MAD1L1: variants seen among roughly 807,000 people sequenced by gnomAD.
The protein encoded by MAD1L1 is mitotic arrest deficient 1 like 1.
MAD1L1 carries 95 observed loss-of-function variants against 96.9 expected under a neutral mutation model. That is an observed-to-expected ratio of 0.98 (90% confidence interval 0.83 to 1.16). The LOEUF (loss-of-function observed/expected upper bound fraction) is 1.16, where lower values mean the gene tolerates loss of function less well. Among genes scored for constraint, MAD1L1 ranks in the 50% most tolerant of loss-of-function variants. The pLI is 0.00. For synonymous variants in MAD1L1, 473 were observed against 396.6 expected, an observed-to-expected ratio of 1.19 and a Z score of -2.29; for missense variants, 1,007 against 954.4, an observed-to-expected ratio of 1.06 and a Z score of -0.73.
intron 18 of MAD1L1, among the ~76,000 whole-genome samples, chr7:1,867,591 C>T (rs1032913557): frequency 2.0e-5 from 3 of 152,244 alleles, no homozygotes; most frequent in Non-Finnish European, 4.4e-5. Context: ...CACATCTCAG[C>T]AGCACTCTGC....
intron 18 of MAD1L1, among the ~76,000 whole-genome samples, chr7:1,819,482 C>T (rs1181767808): frequency 6.6e-6 from 1 of 152,192 alleles, no homozygotes; most frequent in East Asian, 1.9e-4. Flanking sequence ...TCACCTGCCC[C>T]TCTGGAAGCA....
At chr7:1,967,982 G>A (rs1780241458) in intron 15 of MAD1L1, among the ~76,000 whole-genome samples, 1 of 152,104 alleles carries the variant, frequency 6.6e-6, no homozygotes, top group Admixed American at 6.5e-5. Context: ...CAGAGCACGT[G>A]GCAAACTCCC....
At chr7:2,077,057 G>T (rs1222760089) in intron 11 of MAD1L1, among the ~76,000 whole-genome samples, 1 of 146,008 alleles carries the variant, frequency 6.8e-6, no homozygotes, top group Admixed American at 6.8e-5. Flanking sequence ...GTGAGCCCGC[G>T]GCATGGTGAG....
chr7:2,216,221 G>C lies in MAD1L1; in HGVS notation c.745C>G (p.Leu249Val). 2 of 1,614,124 alleles carry C rather than the reference G, an allele frequency of 1.2e-6. No individual in the cohort carries two copies. The highest frequency in any genetic ancestry group is 2.2e-5 in the South Asian group (2 of 91,084). The change falls in exon 8 of 19, where the codon CTG (leucine) becomes GTG (valine). Residue 249 changes from leucine to valine, a missense_variant. Coordinates refer to ENST00000265854, the MANE Select transcript of MAD1L1 (RefSeq NM_001013836.2). The part of the protein sequence containing the change: ...AAIVKNMKSE[L>V]VRLPRLEREL... ...CGTTCCAGCCTAGGGAGCCGTACCA[G>C]CTCAGACTTCATGTTCTTCACAATC... is the stretch of plus-strand genomic sequence containing the variant.
intron 17 of MAD1L1, among the ~76,000 whole-genome samples, chr7:1,904,004 ACGCAG>A: frequency 2.4e-5 from 3 of 124,532 alleles, no homozygotes; most frequent in Admixed American, 8.7e-5. Context: ...GGCAGCGAGG[ACGCAG>A]TGGCCTATGG....
At chr7:1,970,143 C>A (rs1400155104) in intron 15 of MAD1L1, among the ~76,000 whole-genome samples, 1 of 152,126 alleles carries the variant, frequency 6.6e-6, no homozygotes, top group Non-Finnish European at 1.5e-5. Flanking sequence ...AAAAGCCGAG[C>A]CGCAGAGTTG....
At chr7:1,937,001 G>T in intron 16 of MAD1L1, 104 bp from the exon 17 acceptor site, 1 of 836,306 alleles carries the variant, frequency 1.2e-6, no homozygotes, top group Non-Finnish European at 1.9e-6. Context: ...CACAGCACGG[G>T]TCACACACAG....
chr7:2,121,861 G>A lies in MAD1L1; in HGVS notation c.1073+27291C>T, dbSNP rs888136130. Among the ~76,000 whole-genome samples the A allele has an allele frequency of 2.0e-5, 3 of 152,216 alleles. No homozygotes were observed. The East Asian group carries it at 5.8e-4, about 29-fold the overall frequency. On this transcript the variant is annotated intron_variant, in intron 11 of 18. Coordinates refer to ENST00000265854, the MANE Select transcript of MAD1L1 (RefSeq NM_001013836.2). ...CCACCCTCTCCAGCACCGGGCAGGG[G>A]CTGGCACAGCAGGAACACAGACCCG...
Position 1,941,000 on chromosome 7 carries a change from G to GCCTCCTCTTCCTCTCCCAGGCCTCAC in MAD1L1, c.1597-4104_1597-4103insGTGAGGCCTGGGAGAGGAAGAGGAGG, listed in dbSNP as rs1778965831. On this transcript the variant is annotated intron_variant, in intron 16 of 18. Transcript: ENST00000265854. ...CCTCCTCTTCCTCTCCCAGGCCTCA[G>GCCTCCTCTTCCTCTCCCAGGCCTCAC]CCTCCTCTTCCTCCCCAGGCTTCAA... 4.6e-3 allele frequency among the ~76,000 whole-genome samples: 362 copies of GCCTCCTCTTCCTCTCCCAGGCCTCAC among 78,030 alleles called. 6 individuals are homozygous for GCCTCCTCTTCCTCTCCCAGGCCTCAC. The highest frequency in any genetic ancestry group is 0.016 in the African/African-American group (334 of 21,414). The allele number at this position is 78,030 out of a possible 152,430, so 51.2% of individuals were successfully genotyped here.
intron 18 of MAD1L1, among the ~76,000 whole-genome samples, chr7:1,893,260 ATGGGAAGTCCTG>A (rs1786659678): frequency 3.0e-5 from 2 of 67,778 alleles, no homozygotes; most frequent in African/African-American, 1.5e-4. Context: ...CCCGGCTGGG[ATGGGAAGTCCTG>A]GCTGGGATGG....
chr7:1,890,280 A>C (rs1381000701), intron 18 of MAD1L1, among the ~76,000 whole-genome samples: 2 of 152,092 alleles, frequency 1.3e-5, no homozygotes, highest in African/African-American at 4.8e-5. Context: ...TATGGGGAGG[A>C]GGTGTCTGCG....
chr7:2,046,705 C>T (rs372736424), intron 12 of MAD1L1, among the ~76,000 whole-genome samples: 6 of 152,178 alleles, frequency 3.9e-5, no homozygotes, highest in African/African-American at 7.2e-5. Flanking sequence ...GAGCGCTGCC[C>T]GCCTGTGCCC....
At chr7:1,874,469 GA>G (rs553215824) in intron 18 of MAD1L1, 30 of 452,674 alleles carry the variant, frequency 6.6e-5, no homozygotes, top group African/African-American at 5.8e-4. Context: ...TGGTGGAGGA[GA>G]GGAGGCGGAG....
chr7:2,107,238 T>G (rs1279336385), intron 11 of MAD1L1, among the ~76,000 whole-genome samples: 1 of 151,946 alleles, frequency 6.6e-6, no homozygotes, highest in African/African-American at 2.4e-5. Flanking sequence ...GTTGGTGAGG[T>G]CTCGCTGCCG....
chr7:2,053,611 C>T (rs1784276102), intron 12 of MAD1L1, among the ~76,000 whole-genome samples: 2 of 152,302 alleles, frequency 1.3e-5, no homozygotes, highest in South Asian at 4.1e-4. Flanking sequence ...AGGTGGGGCC[C>T]ATCTTCCCCG....
chr7:1,859,847 C>T (rs1006302204), intron 18 of MAD1L1, among the ~76,000 whole-genome samples: 18 of 148,880 alleles, frequency 1.2e-4, no homozygotes, highest in African/African-American at 4.2e-4. Context: ...ACATGATACC[C>T]GGCGGGGCGG....
intron 16 of MAD1L1, among the ~76,000 whole-genome samples, chr7:1,954,678 G>A (rs936169105): frequency 1.3e-5 from 2 of 152,204 alleles, no homozygotes; most frequent in Non-Finnish European, 2.9e-5. Context: ...ACTGCAACAC[G>A]TTCAAGACTC....
intron 10 of MAD1L1, among the ~76,000 whole-genome samples, chr7:2,196,553 TGCTC>T (rs1207407705): frequency 1.3e-5 from 2 of 152,260 alleles, no homozygotes; most frequent in African/African-American, 4.8e-5. Flanking sequence ...GACTGTGCTG[TGCTC>T]GTCACAGCGT....
intron 3 of MAD1L1, among the ~76,000 whole-genome samples, chr7:2,227,831 G>A (rs926087157): frequency 5.9e-5 from 9 of 152,220 alleles, no homozygotes; most frequent in Non-Finnish European, 1.2e-4. Flanking sequence ...GGCACGACCG[G>A]CAGGGACCAG....
Sources: allele counts gnomAD v4.1 joint callset (sites outside exome capture counted in the v4.1 genomes callset), GRCh38; gene constraint gnomAD v4.1.1; transcripts MANE v1.5; gene names NCBI Gene and HGNC (gene_info 2026-07-23, HGNC 2026-07-21).